The following CELF4 variants were observed in gnomAD, a reference collection of about 807,000 sequenced individuals.
CELF4 encodes the protein CUGBP Elav-like family member 4.
Under a neutral mutation model 59.9 loss-of-function variants are expected in CELF4, and 18 were observed. That is an observed-to-expected ratio of 0.30 (90% confidence interval 0.21 to 0.45). The LOEUF is 0.45. Ranked by LOEUF, CELF4 falls within the 20% of genes least tolerant of loss-of-function variation. CELF4 has a pLI of 1.00. For synonymous variants in CELF4, 261 were observed against 267.1 expected (o/e 0.98, Z 0.22); for missense variants, 456 against 689.0 (o/e 0.66, Z 3.79).
At chr18:37,462,068 G>A (rs2154602186) in intron 2 of CELF4, among the ~76,000 whole-genome samples, 1 of 152,314 alleles carries the variant, frequency 6.6e-6, no homozygotes, top group South Asian at 2.1e-4. Flanking sequence ...CAGCAAATGG[G>A]TGGCAGAGCA....
rs1381469783 is a variant in CELF4 at position 37,254,649 on chromosome 18, G to A, written c.1334-711C>T. On this transcript the variant is annotated intron_variant, in intron 11 of 12. Transcript: ENST00000420428. This position sits in a 1 kb window ranked among gnomAD's most constrained non-coding sequence, Gnocchi z 5.1. ...TGCGCCGTGGACTAAGCACGCACCA[G>A]CTGATATGTCCATAACAAGTCACAA... Among the ~76,000 whole-genome samples, 1 of 152,236 alleles carries A rather than the reference G, an allele frequency of 6.6e-6. No homozygotes were observed. Among genetic ancestry groups the A allele is most frequent in the Non-Finnish European group, 1.5e-5 (1 of 68,030 alleles).
intron 12 of CELF4, among the ~76,000 whole-genome samples, chr18:37,250,572 C>A (rs2064883612): frequency 6.6e-6 from 1 of 152,182 alleles, no homozygotes; most frequent in South Asian, 2.1e-4. Context: ...GGCTTCCTGC[C>A]CTTCTGAGCA....
In CELF4 at chr18:37,270,870, GGATGCTAGGCACGGCTGGTGCAGT is replaced by G. The variant is rs761040821; in HGVS notation, c.973_996del (p.Thr325_Ile332del). Reference sequence around the variant, plus strand: ...AAGCCATTCACCCCAATGGGGGATGGGATGCTAGGCACGGCTGGTGCAGTGATGCCCGGAGGGGTGCTGCCACCT... The same window carrying G: ...AAGCCATTCACCCCAATGGGGGATGGGATGCCCGGAGGGGTGCTGCCACCT... On this transcript the variant is annotated inframe_deletion, in exon 8 of 13. Transcript: ENST00000420428. The G allele has an allele frequency of 1.9e-6, 3 of 1,613,498 alleles. No individual in the cohort carries two copies. Among genetic ancestry groups the G allele is most frequent in the Non-Finnish European group, 2.5e-6 (3 of 1,179,896 alleles).
chr18:37,555,723 T>C (rs187158915), intron 1 of CELF4, among the ~76,000 whole-genome samples: 19 of 152,322 alleles, frequency 1.2e-4, no homozygotes, highest in Non-Finnish European at 2.1e-4. Flanking sequence ...GGCTGTCACA[T>C]TGCTTTAAGA....
chr18:37,276,799 C>T (rs369586396), intron 3 of CELF4, among the ~76,000 whole-genome samples: 9 of 152,146 alleles, frequency 5.9e-5, no homozygotes, highest in African/African-American at 2.2e-4. Context: ...GAACAGAGTC[C>T]CAGGGGTGGC....
chr18:37,254,858 C>CTG lies in CELF4; in HGVS notation c.1334-921_1334-920insCA, dbSNP rs2068185871. Among the ~76,000 whole-genome samples, 6 of 152,338 alleles carry CTG rather than the reference C, an allele frequency of 3.9e-5. No homozygotes were observed. Among genetic ancestry groups the CTG allele is most frequent in the African/African-American group, 1.4e-4 (6 of 41,584 alleles). The stretch of plus-strand genomic sequence containing the variant: ...CACCTTTGGGGAACTCTGAATGCAT[C>CTG]TCTTCATACAGACAACATTTTACAT... On this transcript the variant is annotated intron_variant, in intron 11 of 12. Coordinates refer to ENST00000420428, the MANE Select transcript of CELF4 (RefSeq NM_020180.4). The surrounding 1 kb of genome is among the most constrained non-coding windows in gnomAD (Gnocchi z 5.1).
At chr18:37,312,132 A>AG (rs1447784680) in intron 3 of CELF4, among the ~76,000 whole-genome samples, 94 of 48,100 alleles carry the variant, frequency 2.0e-3, no homozygotes, top group South Asian at 5.6e-3. Flanking sequence ...AAAAAAAAAG[A>AG]AAAAAAAAAA....
intron 2 of CELF4, among the ~76,000 whole-genome samples, chr18:37,436,957 A>G (rs912611965): frequency 2.0e-5 from 3 of 152,198 alleles, no homozygotes; most frequent in Admixed American, 6.5e-5. Context: ...TTTAAATCTG[A>G]GTAGAATATT....
In CELF4 at chr18:37,505,384, C is replaced by T. The variant is rs1300235415; in HGVS notation, c.287-19777G>A. On this transcript the variant is annotated intron_variant, in intron 1 of 12. Coordinates refer to ENST00000420428, the MANE Select transcript of CELF4 (RefSeq NM_020180.4). ...AATCTTCTTTGGAAAAGCTCCAAACCCTTCAGCAGAGCTAAGCTGAAAGGG... is the reference window on the plus strand; with the variant it reads ...AATCTTCTTTGGAAAAGCTCCAAACTCTTCAGCAGAGCTAAGCTGAAAGGG... Among the ~76,000 whole-genome samples the T allele has an allele frequency of 2.6e-5, 4 of 152,336 alleles. No individual in the cohort carries two copies. The East Asian group carries it at 7.7e-4, about 29-fold the overall frequency.
intron 2 of CELF4, among the ~76,000 whole-genome samples, chr18:37,453,790 A>G (rs2099770674): frequency 6.6e-6 from 1 of 152,198 alleles, no homozygotes; most frequent in Non-Finnish European, 1.5e-5. Context: ...GAACAGGGGT[A>G]GTCTGAAGAG....
chr18:37,288,481 C>T (rs1460780843), intron 3 of CELF4, among the ~76,000 whole-genome samples: 10 of 152,222 alleles, frequency 6.6e-5, no homozygotes, highest in Non-Finnish European at 1.5e-4. Context: ...CACCACTGTT[C>T]CCCATTCTAC....
chr18:37,404,469 C>T (rs576476428), intron 2 of CELF4, among the ~76,000 whole-genome samples: 25 of 152,314 alleles, frequency 1.6e-4, no homozygotes, highest in African/African-American at 4.8e-4. Context: ...AGACACAGGG[C>T]AGGGAACTTG....
chr18:37,348,002 G>C (rs902662395), intron 2 of CELF4, among the ~76,000 whole-genome samples: 3 of 152,180 alleles, frequency 2.0e-5, no homozygotes, highest in African/African-American at 7.2e-5. Flanking sequence ...AACACAAGCA[G>C]GTGGTTATGG....
chr18:37,423,064 G>GCACACA (rs10654318), intron 2 of CELF4, among the ~76,000 whole-genome samples: 5,514 of 150,180 alleles, frequency 0.037, 116 homozygotes, highest in African/African-American at 0.065. Flanking sequence ...GCGCGCGCGC[G>GCACACA]CACACACACA....
At chr18:37,553,996 T>A (rs1193372979) in intron 1 of CELF4, among the ~76,000 whole-genome samples, 1 of 152,060 alleles carries the variant, frequency 6.6e-6, no homozygotes, top group Non-Finnish European at 1.5e-5. Context: ...ATGAAAAAGG[T>A]GTAAAGAAGT....
chr18:37,486,952 A>C (rs779849443), intron 1 of CELF4, among the ~76,000 whole-genome samples: 7 of 152,208 alleles, frequency 4.6e-5, no homozygotes, highest in Non-Finnish European at 5.9e-5. Context: ...GGTCTAGTCC[A>C]TCCCCAGCCA....
At chr18:37,290,574 C>G (rs1319691375) in intron 3 of CELF4, among the ~76,000 whole-genome samples, 1 of 152,108 alleles carries the variant, frequency 6.6e-6, no homozygotes, top group Non-Finnish European at 1.5e-5. Context: ...CAGCTGAATT[C>G]CAGGCCTAGC....
intron 1 of CELF4, among the ~76,000 whole-genome samples, chr18:37,517,154 C>A (rs967610193): frequency 1.3e-5 from 2 of 152,192 alleles, no homozygotes; most frequent in Non-Finnish European, 2.9e-5. Flanking sequence ...TTGCTCCCTC[C>A]CCATGCCCTG....
intron 2 of CELF4, among the ~76,000 whole-genome samples, chr18:37,481,084 T>C (rs990703219): frequency 1.1e-4 from 16 of 151,894 alleles, no homozygotes; most frequent in African/African-American, 3.4e-4. Context: ...TCAGGAGGCG[T>C]GATGGCGGGA....
Sources: allele counts gnomAD v4.1 joint callset (sites outside exome capture counted in the v4.1 genomes callset), GRCh38; gene constraint gnomAD v4.1.1; non-coding constraint Gnocchi (gnomAD v3.1); transcripts MANE v1.5; gene names NCBI Gene and HGNC (gene_info 2026-07-23, HGNC 2026-07-21).